Variants in NEB observed in about 807,000 individuals in gnomAD.
NEB encodes the protein nebulin.
A neutral mutation model predicts 952.2 loss-of-function variants in NEB; 512 were observed. The observed-to-expected ratio is 0.54, with a 90% CI of 0.50 to 0.58. The LOEUF is 0.58. Among genes scored for constraint, NEB ranks in the 20% least tolerant of loss-of-function variants. The pLI is 0.00. For synonymous variants in NEB, 2,900 were observed against 3,149.8 expected (o/e 0.92, Z 2.66); for missense variants, 8,428 against 9,231.1 (o/e 0.91, Z 3.56).
chr2:151,690,870 G>T, intron 23 of NEB, 45 bp from the exon 24 acceptor site: 1 of 1,361,064 alleles, frequency 7.3e-7, no homozygotes, highest in Non-Finnish European at 1.0e-6. Flanking sequence ...TATATTCTTG[G>T]TTATACATGC....
At chr2:151,498,156 A>G (rs960600951) in intron 170 of NEB, 104 bp downstream of exon 170, 12 of 1,536,024 alleles carry the variant, frequency 7.8e-6, no homozygotes, top group Non-Finnish European at 8.8e-6. Context: ...AAGATGTATT[A>G]GAAGCAAAGA....
In NEB at chr2:151,489,997, T is replaced by C; in HGVS notation, c.25378A>G (p.Ile8460Val). ...CCAGCAGTAGATGGATGAGATGGGA[T>C]GGAAGATACCGTTGTCTGTTGGGTA... ...VATQQTTVSS[I>V]PSHPSTAGKI... Residue 8460 changes from isoleucine (I) to valine (V), a missense_variant, in exon 181 of 182, where the codon ATC becomes GTC. Ile to Val is a conservative substitution (Grantham distance 29). Around this residue, in one of 11 missense-constraint regions of NEB, gnomAD observed 3,374 missense variants for 3,651.5 expected, o/e 0.92. Transcript: ENST00000397345. 1.2e-6 allele frequency: 2 copies of C among 1,610,052 alleles called. No individual in the cohort carries two copies. Among genetic ancestry groups the C allele is most frequent in the Non-Finnish European group, 1.7e-6 (2 of 1,176,352 alleles).
In NEB at chr2:151,642,557, T is replaced by C; in HGVS notation, c.8373+17A>G. 3 of 1,592,934 alleles carry C rather than the reference T, an allele frequency of 1.9e-6. No homozygotes were observed. The highest frequency in any genetic ancestry group is 2.6e-6 in the Non-Finnish European group (3 of 1,164,394). On this transcript the variant is annotated intron_variant, in intron 60 of 181. Coordinates refer to ENST00000397345, the MANE Select transcript of NEB (RefSeq NM_001164508.2). ...TTGAGCCAAAGCTAAGGCAAATAACTTTCCAAGTATACTTACTTCACTTGC... is the reference window on the plus strand; with the variant it reads ...TTGAGCCAAAGCTAAGGCAAATAACCTTCCAAGTATACTTACTTCACTTGC...
At chr2:151,650,148 A>C (rs1490544160) in intron 54 of NEB, 28 bp downstream of exon 54, 1 of 1,601,684 alleles carries the variant, frequency 6.2e-7, no homozygotes. Context: ...AGGCACTATA[A>C]TCTATTTATT....
Position 151,610,827 on chromosome 2 carries a change from T to C in NEB, c.11845A>G (p.Ile3949Val), listed in dbSNP as rs2097921631. Residue 3949 changes from isoleucine (I) to valine (V), a missense_variant, in exon 79 of 182, where the codon ATC becomes GTC. This residue lies in a region of NEB where 337 missense variants were observed against 297.5 expected (regional missense o/e 1.13). Transcript: ENST00000397345. The part of the protein sequence containing the change: ...TEAWDADKTS[I>V]HVMPDTPDIL... ...TCTGGGGTGTCTGGCATCACGTGGA[T>C]GGAGGTTTTGTCAGCATCCCAAGCT... 1 of 1,604,074 alleles carries C rather than the reference T, an allele frequency of 6.2e-7. No homozygotes were observed. The highest frequency in any genetic ancestry group is 1.3e-5 in the African/African-American group (1 of 74,924).
chr2:151,710,407 C>T (rs777811826), intron 11 of NEB, 27 bp downstream of exon 11: 1 of 1,527,996 alleles, frequency 6.5e-7, no homozygotes, highest in Admixed American at 1.7e-5. Flanking sequence ...CCCAGGATGA[C>T]CAACCAGCCA....
At chr2:151,656,534 C>CTA in intron 48 of NEB, 70 bp from the exon 49 acceptor site, 1 of 888,658 alleles carries the variant, frequency 1.1e-6, no homozygotes, top group Non-Finnish European at 1.6e-6. Flanking sequence ...TGTCAATATG[C>CTA]TATATTATTT....
chr2:151,706,416 C>A (rs76128511), intron 13 of NEB, among the ~76,000 whole-genome samples: 1 of 152,096 alleles, frequency 6.6e-6, no homozygotes. Context: ...TTAAATTGAA[C>A]GGCTTAGTCG....
intron 56 of NEB, 74 bp from the exon 57 acceptor site, chr2:151,644,203 G>C: frequency 6.5e-7 from 1 of 1,542,022 alleles, no homozygotes; most frequent in Non-Finnish European, 8.8e-7. Flanking sequence ...ATTACAAAGC[G>C]CATTAACTCT....
intron 110 of NEB, 33 bp downstream of exon 110, chr2:151,569,235 T>G (rs1466804681): frequency 1.3e-6 from 2 of 1,552,978 alleles, no homozygotes; most frequent in African/African-American, 1.4e-5. Context: ...TCTTGGGAAA[T>G]GTACTGAATG....
chr2:151,569,824 T>C (rs1216539494), intron 109 of NEB, among the ~76,000 whole-genome samples: 1 of 152,236 alleles, frequency 6.6e-6, no homozygotes, highest in African/African-American at 2.4e-5. Flanking sequence ...CTAAATTCTA[T>C]AGAAAGAATA....
At chr2:151,624,063 GGAACC>G (rs1247316779) in intron 71 of NEB, among the ~76,000 whole-genome samples, 2 of 152,152 alleles carry the variant, frequency 1.3e-5, no homozygotes, top group Non-Finnish European at 2.9e-5. Flanking sequence ...ATGCAATGAA[GGAACC>G]ACGGGCAATG....
chr2:151,668,992 G>C (rs200263587), intron 39 of NEB, 35 bp downstream of exon 39: 13 of 1,423,914 alleles, frequency 9.1e-6, no homozygotes, highest in Non-Finnish European at 1.3e-5. Flanking sequence ...GGAGAGGCCC[G>C]CATACGCAAT....
intron 29 of NEB, among the ~76,000 whole-genome samples, chr2:151,681,036 G>T (rs1315798742): frequency 6.6e-6 from 1 of 152,166 alleles, no homozygotes; most frequent in Non-Finnish European, 1.5e-5. Context: ...GTTTGGGACA[G>T]CACAGACACA....
intron 11 of NEB, 30 bp downstream of exon 11, chr2:151,710,404 T>C: frequency 6.7e-7 from 1 of 1,498,508 alleles, no homozygotes; most frequent in Non-Finnish European, 9.3e-7. Flanking sequence ...CCTCCCAGGA[T>C]GACCAACCAG....
chr2:151,615,858 C>T (rs796584683), intron 76 of NEB, 144 bp downstream of exon 76: 8 of 648,050 alleles, frequency 1.2e-5, no homozygotes, highest in African/African-American at 1.1e-4. Flanking sequence ...TCTTTTTTTC[C>T]ATTTACAATT....
At position 151,537,894 on chromosome 2, in the gene NEB, G is replaced by A; in HGVS notation, c.21080C>T (p.Ala7027Val). The A allele has an allele frequency of 6.2e-7, 1 of 1,611,220 alleles. No homozygotes were observed. Among genetic ancestry groups the A allele is most frequent in the South Asian group, 1.1e-5 (1 of 90,520 alleles). ...CACATCACTGACTGTGTCAGTGACTGCTCGGTGGTGGAAATGCTCTGGACG... is the reference window on the plus strand; with the variant it reads ...CACATCACTGACTGTGTCAGTGACTACTCGGTGGTGGAAATGCTCTGGACG... The part of the protein sequence containing the change: ...PDRPEHFHHR[A>V]VTDTVSDVKY... The change falls in exon 140 of 182, where the codon GCA becomes GTA. Residue 7027 changes from alanine to valine, a missense_variant. Ala to Val is a moderately conservative substitution (Grantham distance 64). This residue lies in a region of NEB where 3,374 missense variants were observed against 3,651.5 expected (regional missense o/e 0.92). Coordinates refer to ENST00000397345, the MANE Select transcript of NEB (RefSeq NM_001164508.2).
At chr2:151,620,843 G>T in intron 72 of NEB, 76 bp downstream of exon 72, 5 of 1,146,872 alleles carry the variant, frequency 4.4e-6, no homozygotes, top group South Asian at 1.4e-5. Context: ...GGTGGATGAT[G>T]ACCAAAGAGA....
At position 151,692,366 on chromosome 2, in the gene NEB, T is replaced by A. The variant is rs776691631; in HGVS notation, c.1897-4A>T. The A allele has an allele frequency of 6.3e-7, 1 of 1,583,860 alleles. No homozygotes were observed. The highest frequency in any genetic ancestry group is 8.7e-7 in the Non-Finnish European group (1 of 1,155,624). On this transcript the variant is annotated splice_region_variant and splice_polypyrimidine_tract_variant and intron_variant, in intron 20 of 181. Transcript: ENST00000397345. ...CATAGTTTTCCTTGTATAATCTCTG[T>A]TAAAGGAAAAATAAATTAAACCAAA...
Sources: allele counts gnomAD v4.1 joint callset (sites outside exome capture counted in the v4.1 genomes callset), GRCh38; gene constraint gnomAD v4.1.1; regional missense constraint gnomAD v4.1.1; transcripts MANE v1.5; gene names NCBI Gene and HGNC (gene_info 2026-07-23, HGNC 2026-07-21).